The following ZNF124 variants were observed in gnomAD, a reference collection of about 807,000 sequenced individuals.
The protein encoded by ZNF124 is zinc finger protein 124.
Under a neutral mutation model 26.6 loss-of-function variants are expected in ZNF124, and 25 were observed. That is an observed-to-expected ratio of 0.94 (90% CI 0.68 to 1.31). ZNF124 has a LOEUF of 1.31. ZNF124 is among the 40% of genes most tolerant of loss of function. The pLI is 0.00. For missense variants in ZNF124, 444 were observed against 422.2 expected, an observed-to-expected ratio of 1.05 and a Z score of -0.45; for synonymous variants, 129 against 133.3, an observed-to-expected ratio of 0.97 and a Z score of 0.22.
At chr1:247,147,706 C>T (rs1328063301) in intron 3 of ZNF124, among the ~76,000 whole-genome samples, 1 of 152,090 alleles carries the variant, frequency 6.6e-6, no homozygotes, top group Non-Finnish European at 1.5e-5. Context: ...CTGACCTGCC[C>T]TCTGTGGCAA....
intron 3 of ZNF124, among the ~76,000 whole-genome samples, chr1:247,134,153 C>G (rs1334383786): frequency 1.3e-5 from 2 of 152,062 alleles, no homozygotes; most frequent in Non-Finnish European, 2.9e-5. Flanking sequence ...CAAAAACACA[C>G]CAAAATATAA....
intron 3 of ZNF124, chr1:247,138,765 A>G: frequency 7.5e-6 from 3 of 398,624 alleles, no homozygotes; most frequent in Non-Finnish European, 1.3e-5. Flanking sequence ...CATCTGTAGG[A>G]AAATTGAAAG....
chr1:247,131,872 A>G (rs1293617669), intron 3 of ZNF124, among the ~76,000 whole-genome samples: 1 of 152,196 alleles, frequency 6.6e-6, no homozygotes, highest in Non-Finnish European at 1.5e-5. Flanking sequence ...GAATCTTGGC[A>G]GCCTAGGTGA....
In ZNF124 at chr1:247,134,003, A is replaced by C. The variant is rs558044487; in HGVS notation, c.219-10132T>G. Among the ~76,000 whole-genome samples, 50 of 152,202 alleles carry C rather than the reference A, an allele frequency of 3.3e-4. 1 individual carries two copies. Among genetic ancestry groups the C allele is most frequent in the Non-Finnish European group, 6.3e-4 (43 of 68,038 alleles). On this transcript the variant is annotated intron_variant, in intron 3 of 3. Coordinates refer to the ZNF124 transcript ENST00000472531. ...TCAACTCAGAATTTCATATTCAGCCAAACTAAGTTTCATAAGTGAAGGAGA... is the reference window on the plus strand; with the variant it reads ...TCAACTCAGAATTTCATATTCAGCCCAACTAAGTTTCATAAGTGAAGGAGA...
At chr1:247,161,593 A>G (rs1387421302) in intron 1 of ZNF124, among the ~76,000 whole-genome samples, 1 of 152,126 alleles carries the variant, frequency 6.6e-6, no homozygotes, top group Admixed American at 6.5e-5. Context: ...AAAATCTGCA[A>G]TACATGCAAT....
intron 3 of ZNF124, among the ~76,000 whole-genome samples, chr1:247,147,883 C>G (rs1018745032): frequency 6.6e-6 from 1 of 152,130 alleles, no homozygotes; most frequent in Non-Finnish European, 1.5e-5. Flanking sequence ...CCCAAAGGCC[C>G]CACCTCCATT....
At chr1:247,162,671 T>G (rs1220509978) in intron 1 of ZNF124, among the ~76,000 whole-genome samples, 2 of 147,672 alleles carry the variant, frequency 1.4e-5, no homozygotes, top group South Asian at 2.1e-4. Flanking sequence ...TAAAACAGAC[T>G]TTAAACCAAA....
chr1:247,163,314 G>GAAA (rs200117504), intron 1 of ZNF124, among the ~76,000 whole-genome samples: 17,267 of 151,444 alleles, frequency 0.11, 1,258 homozygotes, highest in African/African-American at 0.18. Flanking sequence ...ATAAATTGAA[G>GAAA]AGAGAGAGAA....
intron 1 of ZNF124, among the ~76,000 whole-genome samples, chr1:247,160,062 T>A (rs2103125465): frequency 7.0e-6 from 1 of 143,778 alleles, no homozygotes; most frequent in Admixed American, 7.3e-5. Context: ...CTCAGCTCAC[T>A]GCAATCTTCG....
intron 3 of ZNF124, among the ~76,000 whole-genome samples, chr1:247,127,686 G>T (rs1672241377): frequency 6.7e-6 from 1 of 148,598 alleles, no homozygotes; most frequent in Non-Finnish European, 1.5e-5. Flanking sequence ...CTGATTGCCG[G>T]TGCATGCAGC....
intron 1 of ZNF124, among the ~76,000 whole-genome samples, chr1:247,165,325 C>T (rs1673718163): frequency 6.6e-6 from 1 of 152,082 alleles, no homozygotes; most frequent in Non-Finnish European, 1.5e-5. Flanking sequence ...ACTTCCTATT[C>T]GATAAATGGT....
chr1:247,149,092 T>A lies in ZNF124; in HGVS notation c.218+9914A>T, dbSNP rs181788346. Among the ~76,000 whole-genome samples, 70 of 152,346 alleles carry A rather than the reference T, an allele frequency of 4.6e-4. No individual in the cohort carries two copies. The East Asian group carries it at 9.8e-3, about 21-fold the overall frequency. The stretch of plus-strand genomic sequence containing the variant: ...ATTGTCCAGGTATTTATTTGGCCTT[T>A]GACCTGAAGATACACATCCTTCAAG... On this transcript the variant is annotated intron_variant, in intron 3 of 3. Transcript: ENST00000472531.
At chr1:247,131,268 C>T (rs1672359894) in intron 3 of ZNF124, among the ~76,000 whole-genome samples, 1 of 152,122 alleles carries the variant, frequency 6.6e-6, no homozygotes, top group Non-Finnish European at 1.5e-5. Context: ...AGTGCGCTAC[C>T]CAGCTGGGGA....
At chr1:247,151,402 T>C (rs1051004842), downstream of ZNF124, among the ~76,000 whole-genome samples, 53 of 148,858 alleles carry the variant, frequency 3.6e-4, no homozygotes, top group Non-Finnish European at 6.2e-4. Context: ...TGGCGTGAAC[T>C]CGGGAGGCGG....
At chr1:247,138,636 A>G (rs1672547931) in intron 3 of ZNF124, 2 of 397,956 alleles carry the variant, frequency 5.0e-6, no homozygotes, top group East Asian at 3.6e-5. Flanking sequence ...AAAATGAACA[A>G]TTCTCCGATC....
rs1381872700 is a variant in ZNF124 at position 247,168,632 on chromosome 1, A to C, written c.30+3216T>G. The stretch of plus-strand genomic sequence containing the variant: ...TGAAACAAACCTAAAATGCCCATCA[A>C]CCAATGAGGGGATAAAGAAAATGTG... On this transcript the variant is annotated intron_variant, in intron 1 of 3. Coordinates refer to ENST00000543802, the MANE Select transcript of ZNF124 (RefSeq NM_001297568.2). This position sits in a 1 kb window ranked among gnomAD's most constrained non-coding sequence, Gnocchi z 4.0. 6.6e-6 allele frequency among the ~76,000 whole-genome samples: 1 copy of C among 152,260 alleles called. No individual in the cohort carries two copies. Among genetic ancestry groups the C allele is most frequent in the Admixed American group, 6.5e-5 (1 of 15,286 alleles).
rs116520371 is a variant in ZNF124 at position 247,135,283 on chromosome 1, A to G, written c.219-11412T>C. Among the ~76,000 whole-genome samples, 416 of 152,242 alleles carry G rather than the reference A, an allele frequency of 2.7e-3. 5 individuals carry two copies. The highest frequency in any genetic ancestry group is 9.5e-3 in the African/African-American group (396 of 41,578). On this transcript the variant is annotated intron_variant, in intron 3 of 3. Transcript: ENST00000472531. ...GCTGGTTATTTGAAATAATTAACAA[A>G]ATAGACCACTAGCTAGACTAATAAG...
intron 3 of ZNF124, among the ~76,000 whole-genome samples, chr1:247,139,536 ATGT>A (rs1410381580): frequency 1.3e-5 from 2 of 152,292 alleles, no homozygotes; most frequent in East Asian, 3.9e-4. Flanking sequence ...TGATCCTGTC[ATGT>A]TGTTAGCTGG....
chr1:247,130,375 A>G (rs1039857590), intron 3 of ZNF124, among the ~76,000 whole-genome samples: 1 of 152,190 alleles, frequency 6.6e-6, no homozygotes, highest in Non-Finnish European at 1.5e-5. Flanking sequence ...AGGGAAAAAT[A>G]GGGACACTGT....
Sources: allele counts gnomAD v4.1 joint callset (sites outside exome capture counted in the v4.1 genomes callset), GRCh38; gene constraint gnomAD v4.1.1; non-coding constraint Gnocchi (gnomAD v3.1); transcripts MANE v1.5; gene names NCBI Gene and HGNC (gene_info 2026-07-23, HGNC 2026-07-21).